Variants in ASTN2 observed in about 807,000 individuals in gnomAD.
ASTN2 encodes astrotactin-2.
In ASTN2, 54 loss-of-function variants were observed where a neutral mutation model predicts 139.8. The ratio of observed to expected loss-of-function variants is 0.39; its 90% confidence interval spans 0.31 to 0.48. The LOEUF is 0.48. ASTN2 is among the 20% of genes least tolerant of loss of function. ASTN2 has a pLI of 0.95. For synonymous variants in ASTN2, 756 were observed against 719.5 expected, an observed-to-expected ratio of 1.05 and a Z score of -0.81; for missense variants, 1,565 against 1,725.1, an observed-to-expected ratio of 0.91 and a Z score of 1.64.
At chr9:116,984,858 C>T (rs1431779860) in intron 7 of ASTN2, among the ~76,000 whole-genome samples, 1 of 152,096 alleles carries the variant, frequency 6.6e-6, no homozygotes. Context: ...GTTAAAATTC[C>T]AGCCCTTGAT....
chr9:117,247,937 G>T (rs10983582), intron 2 of ASTN2, among the ~76,000 whole-genome samples: 1 of 152,022 alleles, frequency 6.6e-6, no homozygotes, highest in South Asian at 2.1e-4. Context: ...CCTTTAACAC[G>T]CTGTGTCTCA....
intron 13 of ASTN2, among the ~76,000 whole-genome samples, chr9:116,765,548 C>A (rs1488531926): frequency 6.6e-6 from 1 of 152,118 alleles, no homozygotes; most frequent in East Asian, 1.9e-4. Flanking sequence ...GTGTGCACAG[C>A]TGTATTTACA....
chr9:117,406,797 T>A (rs1443012789), intron 1 of ASTN2, among the ~76,000 whole-genome samples: 1 of 152,044 alleles, frequency 6.6e-6, no homozygotes, highest in Non-Finnish European at 1.5e-5. Flanking sequence ...CATAGAATTT[T>A]TCATCTTCTC....
At chr9:117,192,089 T>C (rs1405435450) in intron 3 of ASTN2, among the ~76,000 whole-genome samples, 1 of 94,520 alleles carries the variant, frequency 1.1e-5, no homozygotes, top group East Asian at 3.0e-4. Context: ...GACAAATCTC[T>C]GTCTATATCT....
intron 1 of ASTN2, among the ~76,000 whole-genome samples, chr9:117,362,722 G>C (rs778925902): frequency 6.6e-6 from 1 of 152,110 alleles, no homozygotes; most frequent in South Asian, 2.1e-4. Flanking sequence ...CACCACCACT[G>C]TGCCCCATAT....
chr9:116,737,610 C>CGTGTGA (rs1554739929), intron 13 of ASTN2, among the ~76,000 whole-genome samples: 1 of 137,250 alleles, frequency 7.3e-6, no homozygotes, highest in East Asian at 2.2e-4. Context: ...CATGTGCCAA[C>CGTGTGA]GTGTGTGTGT....
At chr9:117,321,364 A>G (rs987896998) in intron 1 of ASTN2, among the ~76,000 whole-genome samples, 1 of 152,212 alleles carries the variant, frequency 6.6e-6, no homozygotes, top group Non-Finnish European at 1.5e-5. Context: ...CTCAGATTTC[A>G]GGGCCTCTCT....
At position 116,615,131 on chromosome 9, in the gene ASTN2, T is replaced by C. The variant is rs949698532; in HGVS notation, c.3355+3193A>G. On this transcript the variant is annotated intron_variant, in intron 19 of 22. Coordinates refer to ENST00000313400, the MANE Select transcript of ASTN2 (RefSeq NM_001365068.1). ...CAACAGACACATGAAAAAATGCTCA[T>C]CATCACTGGCCATCAGAGAAACACA... Among the ~76,000 whole-genome samples, 2 of 152,142 alleles carry C rather than the reference T, an allele frequency of 1.3e-5. 1 individual carries two copies. The highest frequency in any genetic ancestry group is 4.8e-5 in the African/African-American group (2 of 41,434).
intron 13 of ASTN2, among the ~76,000 whole-genome samples, chr9:116,754,430 G>A (rs1471289203): frequency 6.6e-6 from 1 of 152,224 alleles, no homozygotes; most frequent in Non-Finnish European, 1.5e-5. Context: ...CACACCAACA[G>A]TGTAAAAGCA....
At chr9:116,986,336 A>G (rs568089332) in intron 7 of ASTN2, among the ~76,000 whole-genome samples, 1 of 152,224 alleles carries the variant, frequency 6.6e-6, no homozygotes, top group Non-Finnish European at 1.5e-5. Context: ...TCTCTGGATA[A>G]TTCCTCTATA....
At chr9:116,838,739 G>A (rs1449555628) in intron 11 of ASTN2, among the ~76,000 whole-genome samples, 2 of 152,048 alleles carry the variant, frequency 1.3e-5, no homozygotes, top group African/African-American at 4.8e-5. Flanking sequence ...CCTGGGCTGT[G>A]GTCTTTAACT....
At chr9:117,156,716 G>A (rs576285287) in intron 3 of ASTN2, among the ~76,000 whole-genome samples, 1 of 152,128 alleles carries the variant, frequency 6.6e-6, no homozygotes, top group South Asian at 2.1e-4. Context: ...AAACCCAGAA[G>A]AGATTAAAGC....
chr9:117,285,579 A>G (rs1303166516), intron 2 of ASTN2, among the ~76,000 whole-genome samples: 1 of 152,180 alleles, frequency 6.6e-6, no homozygotes, highest in African/African-American at 2.4e-5. Context: ...GTATTATTCT[A>G]TGTTATTATA....
intron 1 of ASTN2, among the ~76,000 whole-genome samples, chr9:117,340,635 G>A (rs1363632514): frequency 6.6e-6 from 1 of 152,140 alleles, no homozygotes; most frequent in Non-Finnish European, 1.5e-5. Flanking sequence ...ACCTTGGACA[G>A]CTCTCATAAA....
intron 1 of ASTN2, among the ~76,000 whole-genome samples, chr9:117,338,835 C>G (rs1828976069): frequency 6.6e-6 from 1 of 151,982 alleles, no homozygotes; most frequent in African/African-American, 2.4e-5. Context: ...CAGGCCTGGT[C>G]ATCAAAACTC....
At chr9:116,743,449 G>T (rs1472141010) in intron 13 of ASTN2, among the ~76,000 whole-genome samples, 1 of 152,104 alleles carries the variant, frequency 6.6e-6, no homozygotes, top group Non-Finnish European at 1.5e-5. Context: ...TACTCAGGAG[G>T]CTGAGGCTGA....
At chr9:117,124,066 G>T (rs1038709825) in intron 4 of ASTN2, among the ~76,000 whole-genome samples, 3 of 152,146 alleles carry the variant, frequency 2.0e-5, no homozygotes, top group African/African-American at 7.2e-5. Context: ...TCTCTGTGGT[G>T]CATGACCTTG....
intron 6 of ASTN2, among the ~76,000 whole-genome samples, chr9:117,035,725 T>G (rs1267493306): frequency 2.0e-5 from 3 of 152,112 alleles, no homozygotes; most frequent in Admixed American, 2.0e-4. Flanking sequence ...GAAGGTGAGC[T>G]TGATTGGGAT....
At chr9:116,796,987 T>C (rs1830710386) in intron 13 of ASTN2, among the ~76,000 whole-genome samples, 1 of 141,552 alleles carries the variant, frequency 7.1e-6, no homozygotes. Flanking sequence ...AACTTAATTT[T>C]TCTTTTTTTT....
Sources: allele counts gnomAD v4.1 joint callset (sites outside exome capture counted in the v4.1 genomes callset), GRCh38; gene constraint gnomAD v4.1.1; transcripts MANE v1.5; gene names NCBI Gene and HGNC (gene_info 2026-07-23, HGNC 2026-07-21).